Variants in ANKRD26 observed in about 807,000 individuals in gnomAD.
ANKRD26 encodes ankyrin repeat domain-containing protein 26.
In ANKRD26, 141 loss-of-function variants were observed where a neutral mutation model predicts 208.7. That is an observed-to-expected ratio of 0.68 (90% CI 0.59 to 0.78). ANKRD26 has a LOEUF of 0.78. ANKRD26 is among the 30% of genes least tolerant of loss of function. The pLI is 0.00. For synonymous variants in ANKRD26, 636 were observed against 660.4 expected (o/e 0.96, Z 0.57); for missense variants, 1,889 against 1,938.7 (o/e 0.97, Z 0.48).
chr10:27,030,399 A>T, intron 25 of ANKRD26: 1 of 985,466 alleles, frequency 1.0e-6, no homozygotes. Flanking sequence ...TTACATGGCC[A>T]TCAGAGCACT....
chr10:26,972,616 A>T (rs2052166468), downstream of ANKRD26, among the ~76,000 whole-genome samples: 1 of 138,822 alleles, frequency 7.2e-6, no homozygotes, highest in Non-Finnish European at 1.5e-5. Flanking sequence ...TTGGAGACAG[A>T]GTCTCACTCT....
At chr10:27,094,651 A>G (rs184881266) in intron 1 of ANKRD26, among the ~76,000 whole-genome samples, 13 of 152,372 alleles carry the variant, frequency 8.5e-5, no homozygotes. Flanking sequence ...TGTTTAATAA[A>G]GATGTTTTAA....
At chr10:27,038,614 G>A (rs1179899145) in intron 21 of ANKRD26, among the ~76,000 whole-genome samples, 1 of 149,892 alleles carries the variant, frequency 6.7e-6, no homozygotes, top group Non-Finnish European at 1.5e-5. Flanking sequence ...TTGTGCCACT[G>A]CACTCCAGCC....
intron 15 of ANKRD26, 110 bp downstream of exon 15, chr10:27,060,235 C>T: frequency 8.8e-7 from 1 of 1,136,982 alleles, no homozygotes; most frequent in South Asian, 1.4e-5. Context: ...ATCCTTCCAA[C>T]AAATTTGGAG....
At chr10:27,022,804 G>A (rs773617450) in intron 28 of ANKRD26, 117 bp from the exon 29 acceptor site, 80 of 962,710 alleles carry the variant, frequency 8.3e-5, no homozygotes, top group South Asian at 1.7e-4. Flanking sequence ...TGATTCTCTC[G>A]TTTATTTCAA....
At position 27,035,111 on chromosome 10, in the gene ANKRD26, T is replaced by C; in HGVS notation, c.3339A>G (p.Gln1113=). 5 of 1,613,126 alleles carry C rather than the reference T, an allele frequency of 3.1e-6. No homozygotes were observed. Among genetic ancestry groups the C allele is most frequent in the Non-Finnish European group, 4.2e-6 (5 of 1,179,528 alleles). The change falls in exon 24 of 34, where the codon CAA becomes CAG. Residue 1113 remains glutamine, a synonymous_variant. Coordinates refer to ENST00000376087, the MANE Select transcript of ANKRD26 (RefSeq NM_014915.3). ...QTQCQMKEME[Q]KYQNEQVKVN... ...CTTTAACTTGTTCATTTTGATACTT[T>C]TGTTCCATTTCCTTCATTTGACACT...
At chr10:27,005,850 A>G in intron 33 of ANKRD26, 127 bp from the exon 34 acceptor site, 1 of 1,122,564 alleles carries the variant, frequency 8.9e-7, no homozygotes, top group Non-Finnish European at 1.2e-6. Context: ...ATGCACAACT[A>G]TTATACAATA....
intron 15 of ANKRD26, among the ~76,000 whole-genome samples, chr10:27,057,810 G>A (rs991947694): frequency 1.3e-5 from 2 of 151,944 alleles, no homozygotes; most frequent in African/African-American, 4.8e-5. Context: ...GTTGGCGCGC[G>A]CCTGTAGCCC....
At position 27,077,478 on chromosome 10, in the gene ANKRD26, C is replaced by G. The variant is rs61730102; in HGVS notation, c.937G>C (p.Asp313His). 1.9e-6 allele frequency: 3 copies of G among 1,613,934 alleles called. No individual in the cohort carries two copies. In the Admixed American group the frequency reaches 5.0e-5, roughly 27 times the overall value. ...TCAACCACAACTTCATCTTGACTATCGGAATCTCTATCCTCAAACAAAGTT... is the reference window on the plus strand; with the variant it reads ...TCAACCACAACTTCATCTTGACTATGGGAATCTCTATCCTCAAACAAAGTT... ...NRTLFEDRDS[D>H]SQDEVVVESL... The change falls in exon 9 of 34, where the codon GAT becomes CAT. Residue 313 changes from aspartate to histidine, a missense_variant. By Grantham distance (81) the Asp-to-His change is moderately conservative. Transcript: ENST00000376087.
At chr10:26,972,685 G>A (rs565049299), downstream of ANKRD26, among the ~76,000 whole-genome samples, 77 of 150,116 alleles carry the variant, frequency 5.1e-4, no homozygotes, top group South Asian at 9.7e-3. Context: ...CCGCCTCCCA[G>A]GTTGACGCCA....
intron 4 of ANKRD26, among the ~76,000 whole-genome samples, chr10:26,996,616 T>G (rs188068421): frequency 2.2e-3 from 331 of 152,238 alleles, no homozygotes; most frequent in Non-Finnish European, 3.5e-3. Context: ...TACAGGGGTG[T>G]TGTAGGGCTT....
At chr10:27,002,104 A>G (rs1318724045), downstream of ANKRD26, among the ~76,000 whole-genome samples, 1 of 152,142 alleles carries the variant, frequency 6.6e-6, no homozygotes, top group Non-Finnish European at 1.5e-5. Context: ...CAGAAGCATC[A>G]GCATAAGAGG....
chr10:27,078,910 T>TAAAA (rs71281564), intron 7 of ANKRD26, among the ~76,000 whole-genome samples, 179 bp downstream of exon 7: 55 of 74,574 alleles, frequency 7.4e-4, no homozygotes, highest in African/African-American at 2.4e-3. Flanking sequence ...TTTACCAAAG[T>TAAAA]AAAAAAAAAA....
chr10:27,009,686 T>TA (rs1437293044), intron 32 of ANKRD26, among the ~76,000 whole-genome samples: 1 of 152,172 alleles, frequency 6.6e-6, no homozygotes. Context: ...ACTAATCTCT[T>TA]ACGCTAATAA....
intron 20 of ANKRD26, among the ~76,000 whole-genome samples, chr10:27,042,159 A>G (rs2054262472): frequency 1.3e-5 from 2 of 152,338 alleles, no homozygotes; most frequent in East Asian, 1.9e-4. Context: ...TACGCAGCCA[A>G]CATATTTTTG....
intron 4 of ANKRD26, among the ~76,000 whole-genome samples, chr10:26,981,038 T>C (rs2052300604): frequency 6.6e-6 from 1 of 152,120 alleles, no homozygotes; most frequent in African/African-American, 2.4e-5. Flanking sequence ...CTGTTGAGTT[T>C]TTGTGCATGC....
Position 27,046,440 on chromosome 10 carries a change from A to G in ANKRD26, c.1898T>C (p.Val633Ala). 1 of 1,614,016 alleles carries G rather than the reference A, an allele frequency of 6.2e-7. No homozygotes were observed. The highest frequency in any genetic ancestry group is 8.5e-7 in the Non-Finnish European group (1 of 1,179,974). Reference protein sequence around the residue: ...RTSKESVNSPVFGKASLLTGG... With the variant: ...RTSKESVNSPAFGKASLLTGG... ...AGTTAGTAAACTGGCCTTCCCAAACACTGGTGAATTCACAGATTCTTTCGA... is the reference window on the plus strand; with the variant it reads ...AGTTAGTAAACTGGCCTTCCCAAACGCTGGTGAATTCACAGATTCTTTCGA... The change falls in exon 18 of 34, where the codon GTG (valine) becomes GCG (alanine). Residue 633 changes from valine (V) to alanine (A), a missense_variant. By Grantham distance (64) the Val-to-Ala change is moderately conservative (BLOSUM62 0). This residue lies in a region of ANKRD26 where 1,272 missense variants were observed against 1,273.8 expected (regional missense o/e 1.00). Coordinates refer to ENST00000376087, the MANE Select transcript of ANKRD26 (RefSeq NM_014915.3).
chr10:27,029,359 AAAAC>A lies in ANKRD26; in HGVS notation c.3808-7_3808-4del. On this transcript the variant is annotated splice_polypyrimidine_tract_variant and splice_region_variant and intron_variant, in intron 25 of 33. Coordinates refer to ENST00000376087, the MANE Select transcript of ANKRD26 (RefSeq NM_014915.3). The stretch of plus-strand genomic sequence containing the variant: ...TGTCGATCCTGTGCTTCTTGCAACT[AAAAC>A]AAAGAATAAAAAAAACCCACTTTAC... 6.2e-7 allele frequency: 1 copy of A among 1,610,082 alleles called. No homozygotes were observed. Among genetic ancestry groups the A allele is most frequent in the Non-Finnish European group, 8.5e-7 (1 of 1,177,540 alleles).
chr10:27,060,474 C>A, intron 14 of ANKRD26, 38 bp downstream of exon 14: 3 of 1,555,866 alleles, frequency 1.9e-6, no homozygotes, highest in Non-Finnish European at 2.7e-6. Flanking sequence ...ATACAATATG[C>A]ACTTAATAAT....
Sources: allele counts gnomAD v4.1 joint callset (sites outside exome capture counted in the v4.1 genomes callset), GRCh38; gene constraint gnomAD v4.1.1; regional missense constraint gnomAD v4.1.1; transcripts MANE v1.5; gene names NCBI Gene and HGNC (gene_info 2026-07-23, HGNC 2026-07-21).